The following CFAP299 variants were observed in gnomAD, a reference collection of about 807,000 sequenced individuals.
CFAP299 encodes cilia- and flagella-associated protein 299.
In CFAP299, 21 loss-of-function variants were observed where a neutral mutation model predicts 27.0. The ratio of observed to expected loss-of-function variants is 0.78; its 90% CI spans 0.55 to 1.12. The LOEUF (loss-of-function observed/expected upper bound fraction) is 1.12, where lower values mean the gene tolerates loss of function less well. Ranked by LOEUF, CFAP299 falls within the 50% of genes most tolerant of loss-of-function variation. CFAP299 has a pLI of 0.00. For missense variants in CFAP299, 310 were observed against 276.6 expected (o/e 1.12, Z -0.86); for synonymous variants, 104 against 98.1 (o/e 1.06, Z -0.36).
chr4:80,607,581 AAGAC>A (rs1737744376), intron 3 of CFAP299, among the ~76,000 whole-genome samples: 1 of 152,104 alleles, frequency 6.6e-6, no homozygotes, highest in Middle Eastern at 3.2e-3. Context: ...AATGAATTGT[AAGAC>A]AGAAAAAAAA....
At chr4:80,589,806 G>A (rs998416958) in intron 3 of CFAP299, among the ~76,000 whole-genome samples, 3 of 152,166 alleles carry the variant, frequency 2.0e-5, no homozygotes, top group Non-Finnish European at 2.9e-5. Flanking sequence ...TCAAATGCAA[G>A]TGAGATGTGA....
At chr4:80,818,055 A>G (rs1295819756) in intron 3 of CFAP299, among the ~76,000 whole-genome samples, 2 of 151,834 alleles carry the variant, frequency 1.3e-5, no homozygotes, top group African/African-American at 2.4e-5. Flanking sequence ...CCATGTGTCC[A>G]TGTGTTCTTA....
chr4:80,714,832 A>T (rs1275211604), intron 3 of CFAP299, among the ~76,000 whole-genome samples: 63 of 152,128 alleles, frequency 4.1e-4, no homozygotes, highest in Admixed American at 4.1e-3. Context: ...TTACTTCCAG[A>T]CCATACCATG....
chr4:80,519,182 GTGTGTGTGTGTGTGTA>G (rs1336103544), intron 2 of CFAP299, among the ~76,000 whole-genome samples: 1 of 149,260 alleles, frequency 6.7e-6, no homozygotes, highest in Middle Eastern at 3.5e-3. Flanking sequence ...GTTAATATGT[GTGTGTGTGTGTGTGTA>G]TGTGTGTGTG....
intron 2 of CFAP299, among the ~76,000 whole-genome samples, chr4:80,371,166 T>G (rs1418119033): frequency 1.3e-5 from 2 of 152,176 alleles, no homozygotes; most frequent in African/African-American, 4.8e-5. Flanking sequence ...CCTGAGCCCC[T>G]TTGAGCCACA....
At chr4:80,636,519 G>A (rs1198317217) in intron 3 of CFAP299, among the ~76,000 whole-genome samples, 1 of 152,168 alleles carries the variant, frequency 6.6e-6, no homozygotes, top group Non-Finnish European at 1.5e-5. Context: ...ATTAGAGATT[G>A]ATAGCATCTG....
At chr4:80,701,961 T>C (rs1236880673) in intron 3 of CFAP299, among the ~76,000 whole-genome samples, 1 of 151,904 alleles carries the variant, frequency 6.6e-6, no homozygotes, top group East Asian at 1.9e-4. Flanking sequence ...CCAGGTTTTA[T>C]TCCCCAGAGA....
chr4:80,335,740 C>T lies in CFAP299; in HGVS notation c.-29C>T, dbSNP rs376009650. ...TGACCCTGCCCTCCTGCTTCCGTTG[C>T]TAGGGACGCTTCGGCCGAGGATACC... is the stretch of plus-strand genomic sequence containing the variant. On this transcript the variant is annotated 5_prime_UTR_variant, in exon 1 of 6. Transcript: ENST00000358105. 1 of 1,398,690 alleles carries T rather than the reference C, an allele frequency of 7.1e-7. No individual in the cohort carries two copies. The highest frequency in any genetic ancestry group is 1.0e-6 in the Non-Finnish European group (1 of 983,700). The allele number at this position is 1,398,690 out of a possible 1,614,324, so 86.6% of individuals were successfully genotyped here.
chr4:80,515,609 G>A (rs540073063), intron 2 of CFAP299, among the ~76,000 whole-genome samples: 2 of 152,158 alleles, frequency 1.3e-5, no homozygotes, highest in East Asian at 3.9e-4. Context: ...TTTCCTTCTA[G>A]AGTTAAAAGA....
chr4:80,941,166 T>A (rs925844202), intron 4 of CFAP299, among the ~76,000 whole-genome samples: 14 of 152,348 alleles, frequency 9.2e-5, no homozygotes, highest in African/African-American at 3.4e-4. Context: ...TACACTGTAC[T>A]GTTTAGGAAA....
chr4:80,498,261 C>T (rs1305548657), intron 2 of CFAP299, among the ~76,000 whole-genome samples: 1 of 152,020 alleles, frequency 6.6e-6, no homozygotes, highest in Non-Finnish European at 1.5e-5. Flanking sequence ...CCTAATTAAA[C>T]TAAAGAGCTT....
chr4:80,559,222 A>G lies in CFAP299; in HGVS notation c.243-23871A>G, dbSNP rs554143337. ...TGTAGCTAGTTTGGGTTTTCATATA[A>G]CATGACAGGTTCATGGTAGTTGGAC... On this transcript the variant is annotated intron_variant, in intron 2 of 5. Coordinates refer to ENST00000358105, the MANE Select transcript of CFAP299 (RefSeq NM_152770.3). Among the ~76,000 whole-genome samples the G allele has an allele frequency of 4.6e-5, 7 of 150,778 alleles. No homozygotes were observed. The South Asian group carries it at 1.5e-3, about 31-fold the overall frequency.
At chr4:80,750,802 T>C (rs975438393) in intron 3 of CFAP299, among the ~76,000 whole-genome samples, 3 of 152,154 alleles carry the variant, frequency 2.0e-5, no homozygotes, top group Admixed American at 2.0e-4. Context: ...ATGTTGCAAG[T>C]TAGTATCATG....
chr4:80,493,759 CTTTTTTTTTTTTTTT>C (rs1177389983), intron 2 of CFAP299, among the ~76,000 whole-genome samples: 8 of 76,760 alleles, frequency 1.0e-4, no homozygotes, highest in African/African-American at 1.8e-4. Flanking sequence ...ATCTCATATT[CTTTTTTTTTTTTTTT>C]TTTTTTTTTT....
At chr4:80,512,258 A>G (rs898240232) in intron 2 of CFAP299, among the ~76,000 whole-genome samples, 1 of 150,188 alleles carries the variant, frequency 6.7e-6, no homozygotes, top group African/African-American at 2.5e-5. Flanking sequence ...GTGTGTGTGT[A>G]GAAGAAACAG....
chr4:80,565,358 TA>T (rs1735227194), intron 2 of CFAP299, among the ~76,000 whole-genome samples: 1 of 152,034 alleles, frequency 6.6e-6, no homozygotes, highest in South Asian at 2.1e-4. Context: ...TAATGTTAAG[TA>T]AAAAAGCAAG....
chr4:80,661,516 G>T (rs1402928653), intron 3 of CFAP299, among the ~76,000 whole-genome samples: 3 of 151,970 alleles, frequency 2.0e-5, no homozygotes, highest in Non-Finnish European at 4.4e-5. Context: ...AAGATTTAAT[G>T]GACAATTATC....
At chr4:80,756,247 A>T (rs1043551332) in intron 3 of CFAP299, among the ~76,000 whole-genome samples, 1 of 152,116 alleles carries the variant, frequency 6.6e-6, no homozygotes, top group East Asian at 1.9e-4. Flanking sequence ...TATGGTTTAG[A>T]TGTTTGACTG....
intron 2 of CFAP299, among the ~76,000 whole-genome samples, chr4:80,492,981 C>T (rs1478437301): frequency 6.6e-6 from 1 of 152,102 alleles, no homozygotes; most frequent in Admixed American, 6.5e-5. Flanking sequence ...ACAAAGTACA[C>T]AGTCAGGTGA....
Sources: gnomAD v4.1 joint callset for allele counts (sites outside exome capture counted in the v4.1 genomes callset) on GRCh38, gnomAD v4.1.1 for gene constraint, MANE v1.5 for transcripts, NCBI Gene and HGNC (gene_info 2026-07-23, HGNC 2026-07-21) for gene names.